Variants in ZNF518A observed in about 807,000 individuals in gnomAD.
ZNF518A encodes the protein zinc finger protein 518A.
Under a neutral mutation model 102.7 loss-of-function variants are expected in ZNF518A, and 47 were observed. The ratio of observed to expected loss-of-function variants is 0.46; its 90% CI spans 0.36 to 0.58. ZNF518A has a LOEUF of 0.58. Among genes scored for constraint, ZNF518A ranks in the 20% least tolerant of loss-of-function variants. ZNF518A has a pLI of 0.00. For missense variants in ZNF518A, 1,793 were observed against 1,699.8 expected (o/e 1.05, Z -0.96); for synonymous variants, 652 against 594.6 (o/e 1.10, Z -1.40).
chr10:96,170,928 A>G (rs1372966754), intron 1 of ZNF518A, among the ~76,000 whole-genome samples: 1 of 152,172 alleles, frequency 6.6e-6, no homozygotes, highest in African/African-American at 2.4e-5. Context: ...GCATTTCTCT[A>G]AAGAAGATAT....
At chr10:96,180,418 C>G (rs1418115190) in intron 1 of ZNF518A, among the ~76,000 whole-genome samples, 1 of 151,756 alleles carries the variant, frequency 6.6e-6, no homozygotes, top group African/African-American at 2.4e-5. Flanking sequence ...CATATGTATA[C>G]ATGTGCCATG....
rs587716851 is a variant in ZNF518A, at chr10:96,158,043, A to C, written c.1721A>C (p.Asp574Ala). The C allele has an allele frequency of 8.1e-6, 13 of 1,613,810 alleles. No individual in the cohort carries two copies. Among genetic ancestry groups the C allele is most frequent in the African/African-American group, 1.3e-5 (1 of 75,048 alleles). Residue 574 changes from aspartate to alanine, a missense_variant, in exon 6 of 6, where the codon GAT (aspartate) becomes GCT (alanine). Physicochemically the swap from Asp to Ala is moderately radical, Grantham distance 126. Coordinates refer to ENST00000316045, the MANE Select transcript of ZNF518A (RefSeq NM_001330736.2). ...TTGACCACAAAATTTGAAACAAGAG[A>C]TAATGTTGACTTCTGGGGAAATCAT... Reference protein sequence around the residue: ...VNLTTKFETRDNVDFWGNHLT... With the variant: ...VNLTTKFETRANVDFWGNHLT...
chr10:96,174,907 GGTC>G, intron 1 of ZNF518A, among the ~76,000 whole-genome samples: 1 of 152,248 alleles, frequency 6.6e-6, no homozygotes, highest in Non-Finnish European at 1.5e-5. Context: ...GTTTAGATGA[GGTC>G]GTGAAGATAG....
At position 96,146,429 on chromosome 10, in the gene ZNF518A, T is replaced by C. The variant is rs183416195; in HGVS notation, c.-301-8897T>C. 1.6e-3 allele frequency among the ~76,000 whole-genome samples: 245 copies of C among 152,318 alleles called. 3 individuals carry two copies. The highest frequency in any genetic ancestry group is 5.6e-3 in the African/African-American group (231 of 41,568). Reference sequence around the variant, plus strand: ...CATTAGTATATTACTGTGCCTTTTTTTCCTCACTGACCAACACTAGGTATT... The same window carrying C: ...CATTAGTATATTACTGTGCCTTTTTCTCCTCACTGACCAACACTAGGTATT... On this transcript the variant is annotated intron_variant, in intron 3 of 5. Transcript: ENST00000316045.
chr10:96,200,050 T>C lies in ZNF518A; in HGVS notation n.36-3524T>C. 1 of 1,382,086 alleles carries C rather than the reference T, an allele frequency of 7.2e-7. No individual in the cohort carries two copies. Among genetic ancestry groups the C allele is most frequent in the East Asian group, 2.7e-5 (1 of 37,282 alleles). The allele number at this position is 1,382,086 out of a possible 1,614,324, so 85.6% of individuals were successfully genotyped here. ...TAAATAAAATAAAATAAAATAAAAATAATAAATAATAAAAATGATCAGACC... is the reference window on the plus strand; with the variant it reads ...TAAATAAAATAAAATAAAATAAAAACAATAAATAATAAAAATGATCAGACC... On this transcript the variant is annotated intron_variant and non_coding_transcript_variant, in intron 1 of 2. Coordinates refer to the ZNF518A transcript ENST00000442635. This position sits in a 1 kb window ranked among gnomAD's most constrained non-coding sequence, Gnocchi z 4.3.
intron 3 of ZNF518A, among the ~76,000 whole-genome samples, chr10:96,150,593 T>C (rs2082390707): frequency 6.6e-6 from 1 of 151,390 alleles, no homozygotes; most frequent in Admixed American, 6.6e-5. Flanking sequence ...TCAAAATCAT[T>C]ATTCCTCCCG....
chr10:96,203,990 G>A (rs1554896812), exon 3 of ZNF518A: 1 of 1,367,182 alleles, frequency 7.3e-7, no homozygotes, highest in African/African-American at 1.4e-5. Flanking sequence ...TAGAACCCAG[G>A]CCTATCAGAC....
intron 3 of ZNF518A, among the ~76,000 whole-genome samples, chr10:96,136,490 C>T (rs782053387): frequency 6.6e-6 from 1 of 150,892 alleles, no homozygotes; most frequent in Non-Finnish European, 1.5e-5. Context: ...CAGTTTGAAA[C>T]GAATGTAGCA....
At chr10:96,204,477 T>G, downstream of ZNF518A, 1 of 1,558,742 alleles carries the variant, frequency 6.4e-7, no homozygotes, top group Non-Finnish European at 8.9e-7. Context: ...ACAATGCACA[T>G]GTTAATTCCT....
At chr10:96,147,576 A>G (rs587603532) in intron 3 of ZNF518A, among the ~76,000 whole-genome samples, 2 of 152,276 alleles carry the variant, frequency 1.3e-5, no homozygotes, top group South Asian at 4.2e-4. Context: ...CCTTATACCT[A>G]GACCCTTGGC....
chr10:96,156,592 A>T lies in ZNF518A; in HGVS notation c.270A>T (p.Val90=), dbSNP rs2082704393. The change falls in exon 6 of 6, where the codon GTA becomes GTT. Residue 90 remains valine (V), a synonymous_variant. Coordinates refer to ENST00000316045, the MANE Select transcript of ZNF518A (RefSeq NM_001330736.2). ...GAAAATCTATCAGTATAAAGACTGT[A>T]AGCTGTGTAGAGGAGTGTACATTGC... ...TARKSISIKT[V]SCVEECTLLH... 2 of 1,613,846 alleles carry T rather than the reference A, an allele frequency of 1.2e-6. No individual in the cohort carries two copies. The highest frequency in any genetic ancestry group is 1.7e-6 in the Non-Finnish European group (2 of 1,179,768).
intron 3 of ZNF518A, chr10:96,135,096 C>A (rs1440458066): frequency 6.6e-6 from 1 of 152,154 alleles, no homozygotes; most frequent in Admixed American, 6.6e-5. Context: ...CAGTCAGAAT[C>A]CTTTTTTTGA....
At chr10:96,192,137 T>C in intron 1 of ZNF518A, 1 of 1,610,244 alleles carries the variant, frequency 6.2e-7, no homozygotes, top group Non-Finnish European at 8.5e-7. Flanking sequence ...GCATTTGTGT[T>C]AAATTTGAGC....
chr10:96,142,057 A>G (rs17111364), intron 3 of ZNF518A, among the ~76,000 whole-genome samples: 12,050 of 152,040 alleles, frequency 0.079, 968 homozygotes, highest in African/African-American at 0.21. Flanking sequence ...TTCTTTTTCT[A>G]TGCTTAAGTT....
At chr10:96,196,752 A>T (rs1222801453) in intron 1 of ZNF518A, among the ~76,000 whole-genome samples, 3 of 152,240 alleles carry the variant, frequency 2.0e-5, no homozygotes, top group Non-Finnish European at 4.4e-5. Flanking sequence ...TACTGCCTAA[A>T]TATAGTATTT....
At chr10:96,151,651 T>A (rs191298593) in intron 3 of ZNF518A, 1 of 152,330 alleles carries the variant, frequency 6.6e-6, no homozygotes, top group East Asian at 1.9e-4. Flanking sequence ...TAAATATTGA[T>A]TGGATGAATG....
At chr10:96,136,111 A>C (rs185891171) in intron 3 of ZNF518A, among the ~76,000 whole-genome samples, 1 of 152,156 alleles carries the variant, frequency 6.6e-6, no homozygotes, top group Admixed American at 6.5e-5. Context: ...TCTATGTATG[A>C]GGCATTTGGA....
intron 1 of ZNF518A, among the ~76,000 whole-genome samples, chr10:96,179,861 TTTTCTTCTTCTTTC>T (rs2083228582): frequency 6.7e-6 from 1 of 149,390 alleles, no homozygotes; most frequent in Non-Finnish European, 1.5e-5. Flanking sequence ...TTTCTTCTTT[TTTTCTTCTTCTTTC>T]TTTCTTTCAT....
intron 1 of ZNF518A, chr10:96,199,994 C>G: frequency 9.5e-7 from 1 of 1,055,292 alleles, no homozygotes; most frequent in East Asian, 3.5e-5. Flanking sequence ...AGCCACTGCA[C>G]TCCAGTGAAA....
Sources: gnomAD v4.1 joint callset for allele counts (sites outside exome capture counted in the v4.1 genomes callset) on GRCh38, gnomAD v4.1.1 for gene constraint, Gnocchi (gnomAD v3.1) non-coding constraint, MANE v1.5 for transcripts, NCBI Gene and HGNC (gene_info 2026-07-23, HGNC 2026-07-21) for gene names.